MACROD2: variants seen among roughly 807,000 people sequenced by gnomAD.
MACROD2 encodes the protein ADP-ribose glycohydrolase MACROD2.
Under a neutral mutation model 70.4 loss-of-function variants are expected in MACROD2, and 36 were observed. The ratio of observed to expected loss-of-function variants is 0.51; its 90% CI spans 0.39 to 0.68. The LOEUF (loss-of-function observed/expected upper bound fraction) is 0.68, where lower values mean the gene tolerates loss of function less well. MACROD2 is among the 30% of genes least tolerant of loss of function. MACROD2 has a pLI of 0.00. For synonymous variants in MACROD2, 172 were observed against 178.8 expected (o/e 0.96, Z 0.30); for missense variants, 496 against 538.4 (o/e 0.92, Z 0.78).
chr20:15,785,083 C>T (rs2051900455), intron 8 of MACROD2, among the ~76,000 whole-genome samples: 1 of 146,154 alleles, frequency 6.8e-6, no homozygotes, highest in Non-Finnish European at 1.5e-5. Flanking sequence ...ACCCGGGAGG[C>T]GGAGCTTGCG....
chr20:15,560,039 C>A (rs1568892551), intron 8 of MACROD2, among the ~76,000 whole-genome samples: 1 of 152,204 alleles, frequency 6.6e-6, no homozygotes, highest in Non-Finnish European at 1.5e-5. Flanking sequence ...AAAGACACCA[C>A]AGCCATAATC....
intron 3 of MACROD2, among the ~76,000 whole-genome samples, chr20:14,308,153 T>A (rs1025483592): frequency 6.6e-6 from 1 of 152,128 alleles, no homozygotes; most frequent in Non-Finnish European, 1.5e-5. Context: ...AGAGCTAAAC[T>A]GGCTGTAATA....
intron 3 of MACROD2, among the ~76,000 whole-genome samples, chr20:14,487,498 A>G (rs777326714): frequency 3.3e-5 from 5 of 152,218 alleles, no homozygotes; most frequent in African/African-American, 1.2e-4. Context: ...GCACAGCCTC[A>G]CTTGGCTGCA....
intron 15 of MACROD2, among the ~76,000 whole-genome samples, chr20:16,025,413 A>G (rs930170816): frequency 6.6e-6 from 1 of 152,240 alleles, no homozygotes. Flanking sequence ...ATTCTTGACT[A>G]TGGGAGAGAC....
intron 5 of MACROD2, among the ~76,000 whole-genome samples, chr20:14,940,694 G>A (rs2074382804): frequency 6.6e-6 from 1 of 152,062 alleles, no homozygotes. Flanking sequence ...GATATATCAT[G>A]TTTATTGATT....
intron 6 of MACROD2, among the ~76,000 whole-genome samples, chr20:15,264,470 G>T (rs925104172): frequency 6.6e-6 from 1 of 152,084 alleles, no homozygotes; most frequent in Non-Finnish European, 1.5e-5. Flanking sequence ...ATACACATGA[G>T]GTCCCACAGA....
chr20:15,949,403 C>T (rs893596225), intron 12 of MACROD2, among the ~76,000 whole-genome samples: 14 of 152,112 alleles, frequency 9.2e-5, no homozygotes, highest in East Asian at 3.9e-4. Flanking sequence ...GATATGCTAA[C>T]GCAGGTTAGA....
At chr20:14,789,679 T>C (rs2123799708) in intron 5 of MACROD2, among the ~76,000 whole-genome samples, 1 of 151,698 alleles carries the variant, frequency 6.6e-6, no homozygotes, top group South Asian at 2.1e-4. Context: ...TTTCACTATG[T>C]TAGCCAGGTT....
Position 14,732,788 on chromosome 20 carries a change from T to G in MACROD2, c.418+47829T>G, listed in dbSNP as rs1029111. On this transcript the variant is annotated intron_variant, in intron 5 of 17. Coordinates refer to ENST00000684519, the MANE Select transcript of MACROD2 (RefSeq NM_001351661.2). ...ATTCACTTTTTCTCCCCCTTCAATC[T>G]TTGATTAAAGCTTCTAGGCCCCTAG... 0.01 allele frequency among the ~76,000 whole-genome samples: 1,540 copies of G among 152,208 alleles called. 52 individuals are homozygous for G. In the East Asian group the frequency reaches 0.11, roughly 11 times the overall value.
At chr20:14,035,150 A>T (rs1271137735) in intron 2 of MACROD2, among the ~76,000 whole-genome samples, 2 of 152,190 alleles carry the variant, frequency 1.3e-5, no homozygotes, top group African/African-American at 2.4e-5. Flanking sequence ...TTATAGGTAG[A>T]TGATAAAAGC....
intron 5 of MACROD2, among the ~76,000 whole-genome samples, chr20:15,186,751 G>T (rs185288885): frequency 1.3e-5 from 2 of 152,242 alleles, no homozygotes; most frequent in Non-Finnish European, 2.9e-5. Flanking sequence ...AACTCCAAAA[G>T]TTAACAGCAG....
chr20:14,329,269 G>A (rs1362947848), intron 3 of MACROD2: 1 of 151,978 alleles, frequency 6.6e-6, no homozygotes, highest in Non-Finnish European at 1.5e-5. Context: ...AAGAAAAGGA[G>A]GCATACTAAA....
chr20:14,181,720 A>C (rs982423142), intron 3 of MACROD2, among the ~76,000 whole-genome samples: 4 of 152,138 alleles, frequency 2.6e-5, no homozygotes, highest in African/African-American at 7.2e-5. Context: ...ATTTCAGATA[A>C]ATATAATGGA....
intron 5 of MACROD2, among the ~76,000 whole-genome samples, chr20:14,753,031 C>G (rs1183116097): frequency 6.6e-6 from 1 of 152,054 alleles, no homozygotes; most frequent in Non-Finnish European, 1.5e-5. Flanking sequence ...GAGGGTTGCA[C>G]TCACTTGTGT....
At chr20:14,558,687 G>A (rs1979220585) in intron 4 of MACROD2, among the ~76,000 whole-genome samples, 1 of 151,726 alleles carries the variant, frequency 6.6e-6, no homozygotes, top group Non-Finnish European at 1.5e-5. Context: ...AATATGTGAA[G>A]CAAAATGAAA....
chr20:15,594,630 T>C (rs1296722375), intron 8 of MACROD2, among the ~76,000 whole-genome samples: 1 of 152,234 alleles, frequency 6.6e-6, no homozygotes, highest in African/African-American at 2.4e-5. Flanking sequence ...TAATGACTCT[T>C]ATCTCTCTGT....
intron 8 of MACROD2, among the ~76,000 whole-genome samples, chr20:15,607,543 T>G (rs2048910396): frequency 6.6e-6 from 1 of 152,226 alleles, no homozygotes; most frequent in Non-Finnish European, 1.5e-5. Context: ...GTTTATTTAT[T>G]TATTTTTTGA....
intron 5 of MACROD2, among the ~76,000 whole-genome samples, chr20:15,083,096 A>C (rs1441774381): frequency 1.3e-5 from 2 of 152,196 alleles, no homozygotes; most frequent in African/African-American, 4.8e-5. Context: ...TAAAACTGTC[A>C]TTTAACAATG....
At chr20:14,735,737 C>T (rs1600604376) in intron 5 of MACROD2, among the ~76,000 whole-genome samples, 1 of 152,060 alleles carries the variant, frequency 6.6e-6, no homozygotes, top group Non-Finnish European at 1.5e-5. Context: ...GTAGTCTCAG[C>T]TACTTGGGAG....
Sources: allele counts gnomAD v4.1 joint callset (sites outside exome capture counted in the v4.1 genomes callset), GRCh38; gene constraint gnomAD v4.1.1; transcripts MANE v1.5; gene names NCBI Gene and HGNC (gene_info 2026-07-23, HGNC 2026-07-21).